Variants in CSNK1G1 observed in about 807,000 individuals in gnomAD.
The protein encoded by CSNK1G1 is casein kinase 1 gamma 1.
A neutral mutation model predicts 59.6 loss-of-function variants in CSNK1G1; 22 were observed. The observed-to-expected ratio is 0.37, with a 90% CI of 0.26 to 0.53. The LOEUF is 0.53. Ranked by LOEUF, CSNK1G1 falls within the 20% of genes least tolerant of loss-of-function variation. The pLI is 0.89. For synonymous variants in CSNK1G1, 179 were observed against 177.1 expected (o/e 1.01, Z -0.08); for missense variants, 384 against 519.5 (o/e 0.74, Z 2.54).
At chr15:64,236,134 C>T (rs2082611971) in intron 4 of CSNK1G1, among the ~76,000 whole-genome samples, 1 of 128,090 alleles carries the variant, frequency 7.8e-6, no homozygotes, top group Non-Finnish European at 1.6e-5. Context: ...CAGAGTGAGA[C>T]TCCATCTCAA....
At chr15:64,181,411 C>T in intron 10 of CSNK1G1, 1 of 1,532,290 alleles carries the variant, frequency 6.5e-7, no homozygotes, top group Non-Finnish European at 8.7e-7. Context: ...ACAAAACACT[C>T]TGCTTGTTAA....
rs1269800745 is a variant in CSNK1G1 at position 64,176,099 on chromosome 15, G to GC, written c.1215-4115dup. On this transcript the variant is annotated intron_variant, in intron 11 of 11. Coordinates refer to ENST00000303052, the MANE Select transcript of CSNK1G1 (RefSeq NM_022048.5). The surrounding 1 kb of genome is among the most constrained non-coding windows in gnomAD (Gnocchi z 5.2). ...TAGATTAATTCCTGGGTACAGGCCT[G>GC]CCCCATCCCCACCTTATGGATCTAG... 6.6e-6 allele frequency among the ~76,000 whole-genome samples: 1 copy of GC among 152,196 alleles called. No homozygotes were observed. Among genetic ancestry groups the GC allele is most frequent in the Non-Finnish European group, 1.5e-5 (1 of 68,030 alleles).
chr15:64,294,317 G>C (rs571540862), intron 2 of CSNK1G1, among the ~76,000 whole-genome samples: 1 of 151,854 alleles, frequency 6.6e-6, no homozygotes, highest in African/African-American at 2.4e-5. Flanking sequence ...CAGGTGATCC[G>C]CCCACCTCGG....
chr15:64,208,247 C>T (rs930327232), intron 6 of CSNK1G1, among the ~76,000 whole-genome samples: 2 of 152,114 alleles, frequency 1.3e-5, no homozygotes, highest in African/African-American at 4.8e-5. Flanking sequence ...TCTGTAGTGC[C>T]AGCTACTTAA....
intron 9 of CSNK1G1, among the ~76,000 whole-genome samples, chr15:64,203,928 A>C (rs1454547623): frequency 6.6e-6 from 1 of 152,044 alleles, no homozygotes; most frequent in African/African-American, 2.4e-5. Context: ...AGATCACCTC[A>C]GGTCAGGAGT....
At chr15:64,259,614 C>T (rs1327238589) in intron 2 of CSNK1G1, among the ~76,000 whole-genome samples, 2 of 151,966 alleles carry the variant, frequency 1.3e-5, no homozygotes, top group Non-Finnish European at 2.9e-5. Context: ...GCTCTTGGCA[C>T]AATAAACACA....
chr15:64,199,630 G>A (rs1458714191), intron 10 of CSNK1G1, among the ~76,000 whole-genome samples: 7 of 152,154 alleles, frequency 4.6e-5, no homozygotes, highest in African/African-American at 1.2e-4. Context: ...CGAGGCGGGC[G>A]GATTGCCTGA....
chr15:64,348,818 C>A (rs1898117272), intron 1 of CSNK1G1, among the ~76,000 whole-genome samples: 1 of 152,084 alleles, frequency 6.6e-6, no homozygotes, highest in African/African-American at 2.4e-5. Context: ...TTATGGTCAA[C>A]AGAGAAATTA....
At chr15:64,283,115 TACTC>T (rs553830494) in intron 2 of CSNK1G1, among the ~76,000 whole-genome samples, 5 of 152,060 alleles carry the variant, frequency 3.3e-5, no homozygotes, top group Non-Finnish European at 7.4e-5. Context: ...TTAAAGAACT[TACTC>T]ATGTAACCAA....
At chr15:64,305,897 CT>C (rs1215809055) in intron 1 of CSNK1G1, among the ~76,000 whole-genome samples, 5 of 151,954 alleles carry the variant, frequency 3.3e-5, no homozygotes, top group Admixed American at 3.3e-4. Context: ...AAAGGATAGT[CT>C]TTTTAACAAA....
chr15:64,316,720 T>C (rs1270928345), intron 1 of CSNK1G1: 1 of 152,050 alleles, frequency 6.6e-6, no homozygotes, highest in Non-Finnish European at 1.5e-5. Context: ...CTGGGCCTGG[T>C]AGTTAAAAAT....
intron 2 of CSNK1G1, among the ~76,000 whole-genome samples, chr15:64,272,471 C>T (rs2140351625): frequency 6.6e-6 from 1 of 152,242 alleles, no homozygotes; most frequent in South Asian, 2.1e-4. Flanking sequence ...CCCACCTCGG[C>T]CTCCCAAAGT....
chr15:64,336,335 C>T (rs8029682), intron 1 of CSNK1G1, among the ~76,000 whole-genome samples: 120,372 of 152,136 alleles, frequency 0.79, 48,870 homozygotes, highest in East Asian at 0.95. Context: ...GTATAAGCCA[C>T]ACTCTACATA....
At chr15:64,312,507 G>A (rs575124973) in intron 1 of CSNK1G1, among the ~76,000 whole-genome samples, 1 of 152,274 alleles carries the variant, frequency 6.6e-6, no homozygotes, top group South Asian at 2.1e-4. Context: ...AATGGGGAAA[G>A]GATTCCCTAT....
At chr15:64,346,982 T>A (rs1457440835) in intron 1 of CSNK1G1, among the ~76,000 whole-genome samples, 1 of 152,078 alleles carries the variant, frequency 6.6e-6, no homozygotes, top group Non-Finnish European at 1.5e-5. Context: ...ACAACCTTAT[T>A]TTAAAATGGG....
intron 4 of CSNK1G1, among the ~76,000 whole-genome samples, chr15:64,242,637 C>T (rs897785547): frequency 6.6e-6 from 1 of 152,154 alleles, no homozygotes; most frequent in African/African-American, 2.4e-5. Flanking sequence ...TACGGCTTCA[C>T]TACTGAATTC....
intron 10 of CSNK1G1, among the ~76,000 whole-genome samples, chr15:64,196,284 A>C (rs768884704): frequency 2.6e-5 from 4 of 152,218 alleles, no homozygotes; most frequent in Non-Finnish European, 2.9e-5. Context: ...ATGTGAGTTT[A>C]AATGCAGTCC....
Position 64,300,320 on chromosome 15 carries a change from T to C in CSNK1G1, c.180A>G (p.Leu60=), listed in dbSNP as rs1344482490. Residue 60 remains leucine (L), a splice_region_variant and synonymous_variant, in exon 2 of 12, where the codon TTA becomes TTG. Coordinates refer to ENST00000303052, the MANE Select transcript of CSNK1G1 (RefSeq NM_022048.5). ...TCACTGACATAACCAAGTGCTTACC[T>C]AATCTGAGCTCTCCGAAGTTCCCAC... ...IGCGNFGELR[L]GKNLYTNEYV... The C allele has an allele frequency of 6.2e-7, 1 of 1,614,034 alleles. No individual in the cohort carries two copies. Among genetic ancestry groups the C allele is most frequent in the South Asian group, 1.1e-5 (1 of 91,070 alleles).
intron 10 of CSNK1G1, among the ~76,000 whole-genome samples, chr15:64,186,856 G>C (rs941694293): frequency 2.0e-5 from 3 of 151,136 alleles, no homozygotes; most frequent in African/African-American, 7.3e-5. Flanking sequence ...CGGAATCTCA[G>C]TCCATCACCC....
Sources: gnomAD v4.1 joint callset for allele counts (sites outside exome capture counted in the v4.1 genomes callset) on GRCh38, gnomAD v4.1.1 for gene constraint, Gnocchi (gnomAD v3.1) non-coding constraint, MANE v1.5 for transcripts, NCBI Gene and HGNC (gene_info 2026-07-23, HGNC 2026-07-21) for gene names.